The following USH2A variants were observed in gnomAD, a reference collection of about 807,000 sequenced individuals.
USH2A encodes the protein usherin, also known as Usher syndrome 2A (autosomal recessive, mild).
In USH2A, 443 loss-of-function variants were observed where a neutral mutation model predicts 538.9. That is an observed-to-expected ratio of 0.82 (90% CI 0.76 to 0.89). The LOEUF (loss-of-function observed/expected upper bound fraction) is 0.89, where lower values mean the gene tolerates loss of function less well. Ranked by LOEUF, USH2A falls within the 40% of genes least tolerant of loss-of-function variation. USH2A has a pLI of 0.00. For synonymous variants in USH2A, 2,413 were observed against 2,273.5 expected, an observed-to-expected ratio of 1.06 and a Z score of -1.75; for missense variants, 6,633 against 6,324.8, an observed-to-expected ratio of 1.05 and a Z score of -1.65.
intron 30 of USH2A, among the ~76,000 whole-genome samples, chr1:216,055,494 A>C (rs1390124257): frequency 6.6e-6 from 1 of 152,226 alleles, no homozygotes; most frequent in Non-Finnish European, 1.5e-5. Flanking sequence ...AACCCAGTGG[A>C]TGGATTAAAG....
chr1:216,175,901 T>C (rs2034371407), intron 20 of USH2A, among the ~76,000 whole-genome samples: 1 of 152,110 alleles, frequency 6.6e-6, no homozygotes, highest in Admixed American at 6.5e-5. Context: ...TGCGTAGAAC[T>C]TCCCTTGGCT....
chr1:216,033,759 C>A (rs192864026), intron 32 of USH2A, among the ~76,000 whole-genome samples: 37 of 152,094 alleles, frequency 2.4e-4, no homozygotes, highest in Non-Finnish European at 4.6e-4. Flanking sequence ...TCATTTGAGC[C>A]CAAGAGGTCG....
chr1:215,955,879 C>T (rs958438568), intron 37 of USH2A, among the ~76,000 whole-genome samples: 7 of 152,106 alleles, frequency 4.6e-5, no homozygotes, highest in Non-Finnish European at 1.0e-4. Flanking sequence ...TTGTAATCCT[C>T]ATAACTCTGT....
At chr1:215,922,043 G>T (rs776381679) in intron 38 of USH2A, among the ~76,000 whole-genome samples, 1 of 152,010 alleles carries the variant, frequency 6.6e-6, no homozygotes, top group African/African-American at 2.4e-5. Flanking sequence ...TTAGCTATGA[G>T]GTCCAATAGA....
In USH2A at chr1:215,805,465, G is replaced by C. The variant is rs148290674; in HGVS notation, c.9740-6340C>G. Among the ~76,000 whole-genome samples the C allele has an allele frequency of 3.5e-3, 532 of 152,144 alleles. 3 individuals are homozygous for C. The highest frequency in any genetic ancestry group is 0.012 in the African/African-American group (517 of 41,520). On this transcript the variant is annotated intron_variant, in intron 49 of 71. Coordinates refer to ENST00000307340, the MANE Select transcript of USH2A (RefSeq NM_206933.4). Reference sequence around the variant, plus strand: ...GGAAAGTTAGTGCTTAATGGAAACAGAGTCTGAGCTTGAGAAGATAAAAGA... The same window carrying C: ...GGAAAGTTAGTGCTTAATGGAAACACAGTCTGAGCTTGAGAAGATAAAAGA...
intron 40 of USH2A, among the ~76,000 whole-genome samples, chr1:215,895,534 T>C (rs1421544795): frequency 6.6e-6 from 1 of 152,186 alleles, no homozygotes; most frequent in Non-Finnish European, 1.5e-5. Context: ...CACATTGCCT[T>C]TCTGTCTTAC....
chr1:216,242,981 A>G (rs1214971731), intron 13 of USH2A, among the ~76,000 whole-genome samples: 1 of 152,202 alleles, frequency 6.6e-6, no homozygotes, highest in Non-Finnish European at 1.5e-5. Context: ...CCCAGAAGAA[A>G]ATGATTTCTC....
At chr1:215,627,713 A>G (rs1031782370) in intron 71 of USH2A, among the ~76,000 whole-genome samples, 2 of 151,914 alleles carry the variant, frequency 1.3e-5, no homozygotes, top group Non-Finnish European at 2.9e-5. Context: ...TTTGGTAGAG[A>G]CGAGGTTTCA....
intron 32 of USH2A, among the ~76,000 whole-genome samples, chr1:216,012,250 A>C (rs548977391): frequency 2.9e-4 from 44 of 151,992 alleles, no homozygotes; most frequent in Middle Eastern, 3.4e-3. Flanking sequence ...CATTTTCTTT[A>C]CATCATGGAA....
chr1:216,413,065 A>G (rs978406630), intron 3 of USH2A, among the ~76,000 whole-genome samples: 1 of 152,072 alleles, frequency 6.6e-6, no homozygotes, highest in Non-Finnish European at 1.5e-5. Flanking sequence ...ATTATATTCT[A>G]TTGATCTTAA....
chr1:216,246,472 T>C lies in USH2A; in HGVS notation c.2809+113A>G, dbSNP rs568862411. 2.9e-6 allele frequency: 4 copies of C among 1,364,558 alleles called. No homozygotes were observed. The South Asian group carries it at 4.9e-5, about 17-fold the overall frequency. The allele number at this position is 1,364,558 out of a possible 1,614,324, so 84.5% of individuals were successfully genotyped here. A position where few individuals can be genotyped will look rare whatever the true frequency, so the allele number is the denominator to read the frequency against. ...TTGGATAATGATATAAATACAGTAA[T>C]GATTTTGGAAATAAAATTTGTAGAA... is the stretch of plus-strand genomic sequence containing the variant. On this transcript the variant is annotated intron_variant, in intron 13 of 71. Transcript: ENST00000307340.
At chr1:216,416,793 C>T (rs748200974) in intron 3 of USH2A, among the ~76,000 whole-genome samples, 8 of 147,932 alleles carry the variant, frequency 5.4e-5, no homozygotes, top group Middle Eastern at 3.2e-3. Context: ...CACAGTTTCA[C>T]AGATAACACA....
At chr1:216,108,588 T>A (rs574907428) in intron 21 of USH2A, among the ~76,000 whole-genome samples, 5 of 152,142 alleles carry the variant, frequency 3.3e-5, no homozygotes, top group Non-Finnish European at 7.4e-5. Flanking sequence ...CACATCTCCA[T>A]GTATGTTAAA....
chr1:215,629,152 C>T (rs1308311114), intron 70 of USH2A, 117 bp from the exon 71 acceptor site: 2 of 1,096,234 alleles, frequency 1.8e-6, no homozygotes, highest in East Asian at 2.4e-5. Flanking sequence ...TGACAATTGT[C>T]ACATTGTCAA....
In USH2A at chr1:216,205,802, GC is replaced by G. The variant is rs1245416451; in HGVS notation, c.3316+1470del. Among the ~76,000 whole-genome samples the G allele has an allele frequency of 2.6e-5, 4 of 152,118 alleles. No individual in the cohort carries two copies. The East Asian group carries it at 5.8e-4, about 22-fold the overall frequency. On this transcript the variant is annotated intron_variant, in intron 16 of 71. Transcript: ENST00000307340. The stretch of plus-strand genomic sequence containing the variant: ...AGTGTGTAGCTAAACATGGCTAGAA[GC>G]AAAAATCAGAGAAGATAGAGCTGGA...
intron 70 of USH2A, among the ~76,000 whole-genome samples, chr1:215,629,777 T>TTC (rs1553248342): frequency 2.0e-5 from 3 of 146,390 alleles, no homozygotes; most frequent in African/African-American, 7.6e-5. Flanking sequence ...TCTTTTCTTT[T>TTC]TTTTTTTTTT....
chr1:216,050,457 G>A (rs1476067486), intron 30 of USH2A, among the ~76,000 whole-genome samples: 1 of 151,906 alleles, frequency 6.6e-6, no homozygotes, highest in Non-Finnish European at 1.5e-5. Context: ...CTTACATGGA[G>A]TATTGCCAGT....
chr1:215,735,865 G>C (rs1660141363), intron 60 of USH2A, among the ~76,000 whole-genome samples: 2 of 152,074 alleles, frequency 1.3e-5, no homozygotes, highest in South Asian at 4.1e-4. Flanking sequence ...CATGGCTTTG[G>C]ACAACATATC....
intron 38 of USH2A, among the ~76,000 whole-genome samples, chr1:215,918,228 A>T (rs1666010391): frequency 6.6e-6 from 1 of 152,212 alleles, no homozygotes; most frequent in South Asian, 2.1e-4. Context: ...TACTAACTAG[A>T]TCTAGCATTA....
Sources: allele counts gnomAD v4.1 joint callset (sites outside exome capture counted in the v4.1 genomes callset), GRCh38; gene constraint gnomAD v4.1.1; transcripts MANE v1.5; gene names NCBI Gene and HGNC (gene_info 2026-07-23, HGNC 2026-07-21).